The following TBC1D5 variants were observed in gnomAD, a reference collection of about 807,000 sequenced individuals.
TBC1D5 encodes TBC1 domain family, member 5.
Under a neutral mutation model 100.3 loss-of-function variants are expected in TBC1D5, and 75 were observed. The ratio of observed to expected loss-of-function variants is 0.75; its 90% CI spans 0.62 to 0.91. The LOEUF (loss-of-function observed/expected upper bound fraction) is 0.91, where lower values mean the gene tolerates loss of function less well. Ranked by LOEUF, TBC1D5 falls within the 40% of genes least tolerant of loss-of-function variation. The pLI, the probability that TBC1D5 is intolerant of heterozygous loss-of-function variation, is 0.00. For missense variants in TBC1D5, 910 were observed against 942.4 expected, an observed-to-expected ratio of 0.97 and a Z score of 0.45; for synonymous variants, 323 against 325.6, an observed-to-expected ratio of 0.99 and a Z score of 0.09.
chr3:17,197,735 C>G (rs2070894138), intron 18 of TBC1D5, among the ~76,000 whole-genome samples: 1 of 152,126 alleles, frequency 6.6e-6, no homozygotes, highest in Non-Finnish European at 1.5e-5. Flanking sequence ...TTTGTCACCT[C>G]AGAACTGACA....
chr3:17,513,587 A>G (rs529542097), intron 2 of TBC1D5, among the ~76,000 whole-genome samples: 2 of 152,202 alleles, frequency 1.3e-5, no homozygotes, highest in African/African-American at 4.8e-5. Flanking sequence ...GTCATTCTAA[A>G]AACATTCATA....
At chr3:17,301,006 A>AG (rs11446719) in intron 14 of TBC1D5, among the ~76,000 whole-genome samples, 151,163 of 151,164 alleles carry the variant, frequency 1, 75,581 homozygotes, top group Non-Finnish European at 1. Flanking sequence ...GGGAGGTGGA[A>AG]TTGCAGTGAG....
chr3:17,263,220 G>A (rs2470349), intron 15 of TBC1D5, among the ~76,000 whole-genome samples: 45,329 of 151,340 alleles, frequency 0.3, 7,208 homozygotes, highest in Middle Eastern at 0.41. Flanking sequence ...TAAGACAGCC[G>A]AGTATGGTGG....
At chr3:17,547,785 T>C (rs2096432997) in intron 2 of TBC1D5, among the ~76,000 whole-genome samples, 1 of 152,230 alleles carries the variant, frequency 6.6e-6, no homozygotes. Flanking sequence ...GTTGATTTCA[T>C]GATATAATTC....
intron 1 of TBC1D5, among the ~76,000 whole-genome samples, chr3:17,637,219 T>TTTTTTG (rs2064042048): frequency 7.3e-6 from 1 of 136,132 alleles, no homozygotes; most frequent in East Asian, 2.1e-4. Context: ...TTTTTTTTTT[T>TTTTTTG]ATTTAGTAGA....
chr3:17,247,573 G>GA (rs1200718983), intron 16 of TBC1D5, among the ~76,000 whole-genome samples: 1 of 152,178 alleles, frequency 6.6e-6, no homozygotes, highest in African/African-American at 2.4e-5. Context: ...GGTAGTTCCT[G>GA]AATGTTGGGG....
At chr3:17,683,504 A>G (rs908198436) in intron 1 of TBC1D5, among the ~76,000 whole-genome samples, 2 of 152,140 alleles carry the variant, frequency 1.3e-5, no homozygotes, top group Non-Finnish European at 2.9e-5. Context: ...GCTGTTTAAG[A>G]AAGATGACTA....
chr3:17,214,763 G>A (rs2073422356), intron 17 of TBC1D5, among the ~76,000 whole-genome samples: 1 of 151,922 alleles, frequency 6.6e-6, no homozygotes, highest in Non-Finnish European at 1.5e-5. Flanking sequence ...ACATTAGCAA[G>A]ATTAAAAAAT....
In TBC1D5 at chr3:17,730,356, C is replaced by T. The variant is rs185943336; in HGVS notation, c.-101+8987G>A. Among the ~76,000 whole-genome samples the T allele has an allele frequency of 4.1e-4, 63 of 152,328 alleles. No individual in the cohort carries two copies. The East Asian group carries it at 6.9e-3, about 17-fold the overall frequency. On this transcript the variant is annotated intron_variant, in intron 1 of 21. Transcript: ENST00000253692. ...CCAACAAAATACAGCAGAAGTAATG[C>T]TCTATCAGTTCCTAGCCTAGCCTTT...
At chr3:17,207,257 A>G (rs1310612058) in intron 18 of TBC1D5, among the ~76,000 whole-genome samples, 2 of 152,252 alleles carry the variant, frequency 1.3e-5, no homozygotes, top group East Asian at 3.8e-4. Flanking sequence ...ACAGTGCTAA[A>G]AAAAGTAAAA....
At chr3:17,735,201 T>C (rs1165181298) in intron 1 of TBC1D5, among the ~76,000 whole-genome samples, 1 of 152,220 alleles carries the variant, frequency 6.6e-6, no homozygotes, top group Non-Finnish European at 1.5e-5. Flanking sequence ...AGAGGGATAT[T>C]AGCTATAATA....
At chr3:17,734,348 T>G (rs2076796501) in intron 1 of TBC1D5, among the ~76,000 whole-genome samples, 1 of 152,140 alleles carries the variant, frequency 6.6e-6, no homozygotes, top group Non-Finnish European at 1.5e-5. Context: ...GACCCAATAG[T>G]AAAGTTTCTG....
intron 13 of TBC1D5, among the ~76,000 whole-genome samples, chr3:17,309,360 T>C (rs1004963604): frequency 1.2e-4 from 18 of 152,004 alleles, no homozygotes; most frequent in Non-Finnish European, 2.1e-4. Context: ...ATAATTAGAT[T>C]ATATTTTCAA....
At chr3:17,258,210 G>A (rs1013354281) in intron 16 of TBC1D5, among the ~76,000 whole-genome samples, 1 of 151,972 alleles carries the variant, frequency 6.6e-6, no homozygotes, top group African/African-American at 2.4e-5. Context: ...CAAAAATCTA[G>A]AAAGAGATTA....
chr3:17,636,189 G>GA (rs1252679431), intron 1 of TBC1D5, among the ~76,000 whole-genome samples: 3 of 150,942 alleles, frequency 2.0e-5, no homozygotes, highest in Admixed American at 6.6e-5. Context: ...TCCATATCAA[G>GA]AAAAAAAAGA....
rs561857605 is a variant in TBC1D5 at position 17,220,192 on chromosome 3, T to G, written c.1589-5822A>C. Among the ~76,000 whole-genome samples, 3 of 152,302 alleles carry G rather than the reference T, an allele frequency of 2.0e-5. No individual in the cohort carries two copies. In the South Asian group the frequency reaches 6.2e-4, roughly 32 times the overall value. On this transcript the variant is annotated intron_variant, in intron 17 of 21. Transcript: ENST00000253692. ...TAGAATTATATAAGTGGAACTGCTA[T>G]GTATAACTATATGCACATTTTAAAT...
chr3:17,583,222 T>C (rs765774425), intron 2 of TBC1D5, among the ~76,000 whole-genome samples: 4 of 151,968 alleles, frequency 2.6e-5, no homozygotes, highest in African/African-American at 9.7e-5. Context: ...GAGGTAGAGG[T>C]TGCAGTGGGC....
chr3:17,291,530 C>T (rs2081738671), intron 15 of TBC1D5, among the ~76,000 whole-genome samples: 1 of 152,104 alleles, frequency 6.6e-6, no homozygotes, highest in Admixed American at 6.6e-5. Context: ...CATATGGCCC[C>T]CAAGGTTCTA....
Position 17,404,786 on chromosome 3 carries a change from A to AC in TBC1D5, c.367-19_367-18insG. 6.3e-7 allele frequency: 1 copy of AC among 1,599,730 alleles called. No individual in the cohort carries two copies. The highest frequency in any genetic ancestry group is 8.5e-7 in the Non-Finnish European group (1 of 1,174,658). On this transcript the variant is annotated intron_variant, in intron 6 of 21. Coordinates refer to ENST00000253692, the Ensembl canonical transcript of TBC1D5. ...GTAATATGCTAGTAAAGAAAGAGAA[A>AC]ACACACACACAAGGATCAGAGGCTA...
Sources: allele counts gnomAD v4.1 joint callset (sites outside exome capture counted in the v4.1 genomes callset), GRCh38; gene constraint gnomAD v4.1.1; transcripts MANE v1.5; gene names NCBI Gene and HGNC (gene_info 2026-07-23, HGNC 2026-07-21).